CSNK2A1: variants seen among roughly 807,000 people sequenced by gnomAD.
CSNK2A1 encodes casein kinase 2 alpha 1.
CSNK2A1 carries 10 observed loss-of-function variants against 62.9 expected under a neutral mutation model. That is an observed-to-expected ratio of 0.16 (90% CI 0.10 to 0.27). The LOEUF (loss-of-function observed/expected upper bound fraction) is 0.27, where lower values mean the gene tolerates loss of function less well. Among genes scored for constraint, CSNK2A1 ranks in the 10% least tolerant of loss-of-function variants. The probability of loss-of-function intolerance (pLI) is 1.00; values close to 1 mark genes in which losing one functional copy is unlikely to be tolerated. For missense variants in CSNK2A1, 160 were observed against 492.0 expected (o/e 0.33, Z 6.38); for synonymous variants, 124 against 167.8 (o/e 0.74, Z 2.02).
At chr20:538,031 G>C (rs1295621344) in intron 1 of CSNK2A1, among the ~76,000 whole-genome samples, 1 of 147,546 alleles carries the variant, frequency 6.8e-6, no homozygotes, top group Non-Finnish European at 1.5e-5. Flanking sequence ...GCGTGATCTT[G>C]ACTCACTGCA....
chr20:489,978 CACT>C, intron 9 of CSNK2A1, 97 bp from the exon 10 acceptor site: 1 of 956,846 alleles, frequency 1.0e-6, no homozygotes, highest in Non-Finnish European at 1.5e-6. Flanking sequence ...AAAATCACTC[CACT>C]GACTCAAAAT....
intron 1 of CSNK2A1, among the ~76,000 whole-genome samples, chr20:529,909 T>C (rs1235046634): frequency 2.6e-5 from 4 of 152,210 alleles, no homozygotes; most frequent in Non-Finnish European, 5.9e-5. Context: ...TCTTGGAATA[T>C]ATTTCCCACA....
At chr20:490,668 T>G (rs2018208349) in intron 9 of CSNK2A1, among the ~76,000 whole-genome samples, 1 of 150,906 alleles carries the variant, frequency 6.6e-6, no homozygotes, top group African/African-American at 2.4e-5. Flanking sequence ...CCTTTCCAAG[T>G]GCTGGGATTA....
At chr20:539,049 A>G (rs1425310384) in intron 1 of CSNK2A1, 1 of 152,234 alleles carries the variant, frequency 6.6e-6, no homozygotes, top group Admixed American at 6.5e-5. Flanking sequence ...TTCCAGGACT[A>G]AATTGTTTTA....
chr20:481,602 C>T lies in CSNK2A1; in HGVS notation c.*2359G>A, dbSNP rs1172436007. On this transcript the variant is annotated 3_prime_UTR_variant, in exon 14 of 14. Transcript: ENST00000217244. The stretch of plus-strand genomic sequence containing the variant: ...TTTATTTTAAAAGGCTCTTGGGTGG[C>T]ACCTCAGAGTCCTCTGCATTCACCT... 6.6e-6 allele frequency: 1 copy of T among 150,532 alleles called. No homozygotes were observed. Among genetic ancestry groups the T allele is most frequent in the Non-Finnish European group, 1.5e-5 (1 of 67,908 alleles). 9.3% of individuals were successfully genotyped at this position (150,532 alleles called of 1,614,324 possible).
At chr20:510,390 G>T (rs2122576681) in intron 2 of CSNK2A1, 1 of 152,194 alleles carries the variant, frequency 6.6e-6, no homozygotes, top group African/African-American at 2.4e-5. Flanking sequence ...GGTCAGGCTG[G>T]TCTCAAACTC....
At chr20:520,719 C>CA (rs1348175709) in intron 2 of CSNK2A1, among the ~76,000 whole-genome samples, 1 of 152,106 alleles carries the variant, frequency 6.6e-6, no homozygotes, top group East Asian at 1.9e-4. Context: ...AGGCTGGTCT[C>CA]AAATTTCTGA....
intron 2 of CSNK2A1, among the ~76,000 whole-genome samples, chr20:515,706 A>C (rs2018815452): frequency 6.6e-6 from 1 of 152,228 alleles, no homozygotes; most frequent in Admixed American, 6.5e-5. Flanking sequence ...TGTTTAATTT[A>C]CCTTTTTAAT....
intron 13 of CSNK2A1, among the ~76,000 whole-genome samples, chr20:485,096 AAAAAAAAAAAAAAATATATATATATAT>A (rs2018054853): frequency 3.9e-5 from 2 of 50,946 alleles, no homozygotes; most frequent in South Asian, 1.9e-3. Flanking sequence ...AAAAAAAAAA[AAAAAAAAAAAAAAATATATATATATAT>A]ATATATATAT....
chr20:500,125 G>GTTGAA (rs2018429947), intron 4 of CSNK2A1, 191 bp from the exon 5 acceptor site: 1 of 539,962 alleles, frequency 1.9e-6, no homozygotes, highest in African/African-American at 1.9e-5. Flanking sequence ...ACTTACAAAT[G>GTTGAA]TTGAATTGAA....
Position 521,998 on chromosome 20 carries a change from C to T in CSNK2A1, c.-110+5935G>A, listed in dbSNP as rs1032272409. ...CCCGGGCCATGGGCCTGTACCAGTT[C>T]ATGGCCTGTTAGGAACCAGGCTACA... On this transcript the variant is annotated intron_variant, in intron 2 of 13. Transcript: ENST00000217244. Among the ~76,000 whole-genome samples, 20 of 152,336 alleles carry T rather than the reference C, an allele frequency of 1.3e-4. No homozygotes were observed. In the East Asian group the frequency reaches 1.7e-3, roughly 13 times the overall value.
intron 1 of CSNK2A1, chr20:541,063 CCA>C (rs1428468117): frequency 1.3e-5 from 2 of 152,156 alleles, no homozygotes; most frequent in Non-Finnish European, 2.9e-5. Context: ...TAGAGGCTGC[CCA>C]CATTCCTTCT....
chr20:486,477 A>G lies in CSNK2A1; in HGVS notation c.974-15T>C, dbSNP rs1477931595. ...CACAACAGTGTCTAGAAAAGAGACAAAAAGGCTAGGTTCTGTTTTGCTTGA... is the reference window on the plus strand; with the variant it reads ...CACAACAGTGTCTAGAAAAGAGACAGAAAGGCTAGGTTCTGTTTTGCTTGA... On this transcript the variant is annotated splice_polypyrimidine_tract_variant and intron_variant, in intron 12 of 13. Transcript: ENST00000217244. The G allele has an allele frequency of 1.2e-6, 2 of 1,613,314 alleles. No homozygotes were observed.
chr20:479,269 G>T lies in CSNK2A1; in HGVS notation c.*4692C>A, dbSNP rs2017909302. ...AATTTAGAAGAGAAACCAACATTTG[G>T]TGTAACTCTACCATATACCAGGCAT... is the stretch of plus-strand genomic sequence containing the variant. On this transcript the variant is annotated 3_prime_UTR_variant, in exon 14 of 14. Transcript: ENST00000217244. The T allele has an allele frequency of 6.6e-6, 1 of 152,146 alleles. No individual in the cohort carries two copies. Among genetic ancestry groups the T allele is most frequent in the Non-Finnish European group, 1.5e-5 (1 of 68,044 alleles). The allele number at this position is 152,146 out of a possible 1,614,324, so 9.4% of individuals were successfully genotyped here.
chr20:505,357 T>TG (rs2018553724), intron 3 of CSNK2A1, 128 bp from the exon 4 acceptor site: 1 of 654,228 alleles, frequency 1.5e-6, no homozygotes, highest in Non-Finnish European at 2.4e-6. Context: ...ATAGGTTTTT[T>TG]TTTTTTTTTT....
chr20:528,601 T>C (rs1489031642), intron 1 of CSNK2A1, among the ~76,000 whole-genome samples: 1 of 152,110 alleles, frequency 6.6e-6, no homozygotes, highest in Non-Finnish European at 1.5e-5. Flanking sequence ...TTTCTTTTTT[T>C]TCTTTCTTTC....
rs551808870 is a variant in CSNK2A1, at chr20:475,557, T to C, written c.*8404A>G. ...GTTGCCTTCTGTTCCTACTGATATA[T>C]ATGAATAGTATGGCTGATTGCATTA... is the stretch of plus-strand genomic sequence containing the variant. On this transcript the variant is annotated 3_prime_UTR_variant, in exon 14 of 14. Coordinates refer to ENST00000217244, the MANE Select transcript of CSNK2A1 (RefSeq NM_177559.3). 5.2e-4 allele frequency: 79 copies of C among 152,254 alleles called. No individual in the cohort carries two copies. The highest frequency in any genetic ancestry group is 1.9e-3 in the African/African-American group (79 of 41,548). The allele number at this position is 152,254 out of a possible 1,614,324, so 9.4% of individuals were successfully genotyped here.
rs1465611277 is a variant in CSNK2A1 at position 532,330 on chromosome 20, A to T, written c.-226-4281T>A. ...AGGCAAGCGCCACCATGCCCGGCTA[A>T]TTTTTTTTTTTTTTTTTTTTTGTAT... is the stretch of plus-strand genomic sequence containing the variant. On this transcript the variant is annotated intron_variant, in intron 1 of 13. Coordinates refer to ENST00000217244, the MANE Select transcript of CSNK2A1 (RefSeq NM_177559.3). 3.3e-5 allele frequency among the ~76,000 whole-genome samples: 4 copies of T among 121,980 alleles called. No individual in the cohort carries two copies. In the East Asian group the frequency reaches 9.9e-4, roughly 30 times the overall value. 80.0% of individuals were successfully genotyped at this position (121,980 alleles called of 152,430 possible).
rs967356642 is a variant in CSNK2A1, at chr20:477,971, G to A, written c.*5990C>T. The stretch of plus-strand genomic sequence containing the variant: ...TTCTGCCTTCCTTTTTGCCACCTTG[G>A]GATTTCCATTTCTTTCTCTGAAATA... On this transcript the variant is annotated 3_prime_UTR_variant, in exon 14 of 14. Transcript: ENST00000217244. 5 of 151,852 alleles carry A rather than the reference G, an allele frequency of 3.3e-5. No individual in the cohort carries two copies. Among genetic ancestry groups the A allele is most frequent in the Non-Finnish European group, 7.4e-5 (5 of 67,968 alleles). 9.4% of individuals were successfully genotyped at this position (151,852 alleles called of 1,614,324 possible). A position where few individuals can be genotyped will look rare whatever the true frequency, so the allele number is the denominator to read the frequency against.
Sources: allele counts gnomAD v4.1 joint callset (sites outside exome capture counted in the v4.1 genomes callset), GRCh38; gene constraint gnomAD v4.1.1; transcripts MANE v1.5; gene names NCBI Gene and HGNC (gene_info 2026-07-23, HGNC 2026-07-21).